Variants in KLF12 observed in about 807,000 individuals in gnomAD.
The protein encoded by KLF12 is Krueppel-like factor 12.
Under a neutral mutation model 37.8 loss-of-function variants are expected in KLF12, and 9 were observed. That is an observed-to-expected ratio of 0.24 (90% CI 0.14 to 0.42). The LOEUF is 0.42. KLF12 is among the 10% of genes least tolerant of loss of function. KLF12 has a pLI of 1.00. For missense variants in KLF12, 411 were observed against 516.0 expected (o/e 0.80, Z 1.97); for synonymous variants, 208 against 202.1 (o/e 1.03, Z -0.25).
intron 1 of KLF12, among the ~76,000 whole-genome samples, chr13:74,092,717 A>C (rs1301863847): frequency 6.6e-6 from 1 of 152,196 alleles, no homozygotes; most frequent in Non-Finnish European, 1.5e-5. Flanking sequence ...ACAAGATCCT[A>C]GTATTCAGAA....
At chr13:74,097,412 T>C (rs1876041874) in intron 1 of KLF12, among the ~76,000 whole-genome samples, 2 of 152,128 alleles carry the variant, frequency 1.3e-5, no homozygotes, top group South Asian at 2.1e-4. Context: ...AACAATCAAA[T>C]ACAGAAAGAA....
At chr13:73,806,994 G>A (rs1025011724) in intron 5 of KLF12, among the ~76,000 whole-genome samples, 3 of 152,004 alleles carry the variant, frequency 2.0e-5, no homozygotes, top group African/African-American at 7.2e-5. Context: ...TTCTTTGACT[G>A]TTAAATACAG....
chr13:74,029,850 ACCTATAGTTAAGTGCATAT>A (rs1893070229), intron 1 of KLF12, among the ~76,000 whole-genome samples: 1 of 152,088 alleles, frequency 6.6e-6, no homozygotes, highest in Admixed American at 6.6e-5. Flanking sequence ...CTTACCTCTG[ACCTATAGTTAAGTGCATAT>A]CCAGAGCCAG....
the KLF12 span, among the ~76,000 whole-genome samples, chr13:74,192,260 C>A: frequency 6.6e-6 from 1 of 152,052 alleles, no homozygotes; most frequent in East Asian, 1.9e-4. Context: ...AAAATACTAT[C>A]TCTAACTAGT....
chr13:73,952,197 G>T (rs1890671404), intron 2 of KLF12, among the ~76,000 whole-genome samples: 1 of 152,160 alleles, frequency 6.6e-6, no homozygotes, highest in Non-Finnish European at 1.5e-5. Flanking sequence ...GTCCCTTCTT[G>T]CATTGCTCTA....
At chr13:73,959,854 T>G (rs1374149022) in intron 2 of KLF12, among the ~76,000 whole-genome samples, 3 of 152,172 alleles carry the variant, frequency 2.0e-5, no homozygotes, top group Non-Finnish European at 4.4e-5. Context: ...AATAGTTTAG[T>G]CTGAAAGATC....
At chr13:73,958,314 G>C (rs753163866) in intron 2 of KLF12, among the ~76,000 whole-genome samples, 1 of 151,826 alleles carries the variant, frequency 6.6e-6, no homozygotes, top group Non-Finnish European at 1.5e-5. Context: ...TGCGATCTCG[G>C]CTCACTGCAG....
intron 6 of KLF12, among the ~76,000 whole-genome samples, chr13:73,725,248 C>T (rs545046088): frequency 6.6e-6 from 1 of 152,032 alleles, no homozygotes; most frequent in Non-Finnish European, 1.5e-5. Context: ...CTACAGGCGC[C>T]CGCCACCACA....
rs77374157 is a variant in KLF12 at position 74,126,649 on chromosome 13, T to G, written c.-32+7090A>C. On this transcript the variant is annotated intron_variant, in intron 1 of 7. Coordinates refer to ENST00000377669, the MANE Select transcript of KLF12 (RefSeq NM_007249.5). ...AAAATAAGGTAAAAAGCAATAAAAT[T>G]TTCCAAATAATTTTTGAAATTTTTG... 3.3e-5 allele frequency among the ~76,000 whole-genome samples: 5 copies of G among 152,316 alleles called. No homozygotes were observed. The East Asian group carries it at 9.6e-4, about 29-fold the overall frequency.
At chr13:74,014,525 G>A (rs1041360040) in intron 1 of KLF12, among the ~76,000 whole-genome samples, 5 of 151,988 alleles carry the variant, frequency 3.3e-5, no homozygotes, top group Non-Finnish European at 7.4e-5. Flanking sequence ...TTGCCACAGG[G>A]GACTATTGAT....
At chr13:74,133,018 T>C (rs567756794) in intron 1 of KLF12, among the ~76,000 whole-genome samples, 2 of 152,128 alleles carry the variant, frequency 1.3e-5, no homozygotes, top group South Asian at 2.1e-4. Flanking sequence ...CGGGTGGACG[T>C]ACAAAGTTGC....
rs144000515 is a variant in KLF12, at chr13:73,836,592, A to G, written c.670+9235T>C. 8.9e-4 allele frequency among the ~76,000 whole-genome samples: 135 copies of G among 152,320 alleles called. 1 individual carries two copies. The East Asian group carries it at 0.022, about 25-fold the overall frequency. The stretch of plus-strand genomic sequence containing the variant: ...ATTCTACAAATACTTGCAATCTACT[A>G]TGTAGAATAAGAATTCCCTTGTAGC... On this transcript the variant is annotated intron_variant, in intron 4 of 7. Transcript: ENST00000377669.
intron 4 of KLF12, among the ~76,000 whole-genome samples, chr13:73,833,269 C>T (rs1344987940): frequency 6.6e-6 from 1 of 152,274 alleles, no homozygotes; most frequent in East Asian, 1.9e-4. Flanking sequence ...GCAATATCTA[C>T]GTATTAAGAC....
chr13:73,932,333 A>G (rs1174040081), intron 3 of KLF12, among the ~76,000 whole-genome samples: 1 of 152,180 alleles, frequency 6.6e-6, no homozygotes, highest in Non-Finnish European at 1.5e-5. Flanking sequence ...AGGACTGACC[A>G]ATGACACTGA....
chr13:74,302,685 G>A, the KLF12 span, among the ~76,000 whole-genome samples: 11 of 152,136 alleles, frequency 7.2e-5, no homozygotes, highest in Admixed American at 4.6e-4. Flanking sequence ...TCATCATTCC[G>A]CTCAAGGGAC....
intron 3 of KLF12, among the ~76,000 whole-genome samples, chr13:73,879,691 G>A (rs1336572655): frequency 2.0e-5 from 3 of 152,140 alleles, no homozygotes; most frequent in African/African-American, 7.2e-5. Flanking sequence ...GCAGTAGAGG[G>A]CCTTGGTGCC....
At chr13:73,808,460 A>G (rs530816917) in intron 5 of KLF12, among the ~76,000 whole-genome samples, 6 of 152,272 alleles carry the variant, frequency 3.9e-5, no homozygotes, top group Non-Finnish European at 2.9e-5. Context: ...TCATTACATA[A>G]ATCTATGTAA....
chr13:73,751,818 G>C (rs549494300), intron 6 of KLF12, among the ~76,000 whole-genome samples: 1 of 152,060 alleles, frequency 6.6e-6, no homozygotes, highest in Non-Finnish European at 1.5e-5. Flanking sequence ...GAGCAGTCCG[G>C]GGCTGGACAT....
chr13:73,836,690 G>GT (rs889128751), intron 4 of KLF12, among the ~76,000 whole-genome samples: 30 of 151,870 alleles, frequency 2.0e-4, no homozygotes, highest in Admixed American at 1.2e-3. Flanking sequence ...GAAAAAATTA[G>GT]TTTTTTTTAA....
Sources: allele counts gnomAD v4.1 joint callset (sites outside exome capture counted in the v4.1 genomes callset), GRCh38; gene constraint gnomAD v4.1.1; transcripts MANE v1.5; gene names NCBI Gene and HGNC (gene_info 2026-07-23, HGNC 2026-07-21).